ABLIM2: variants seen among roughly 807,000 people sequenced by gnomAD.
ABLIM2 encodes the protein actin binding LIM protein family member 2.
In ABLIM2, 53 loss-of-function variants were observed where a neutral mutation model predicts 97.7. The observed-to-expected ratio is 0.54, with a 90% CI of 0.44 to 0.68. The LOEUF (loss-of-function observed/expected upper bound fraction) is 0.68. Ranked by LOEUF, ABLIM2 falls within the 30% of genes least tolerant of loss-of-function variation. The pLI, the probability that ABLIM2 is intolerant of heterozygous loss-of-function variation, is 0.00. For synonymous variants in ABLIM2, 361 were observed against 345.8 expected, an observed-to-expected ratio of 1.04 and a Z score of -0.49; for missense variants, 835 against 867.2, an observed-to-expected ratio of 0.96 and a Z score of 0.47.
chr4:8,048,750 C>G (rs1424402852), intron 8 of ABLIM2, among the ~76,000 whole-genome samples: 1 of 152,190 alleles, frequency 6.6e-6, no homozygotes, highest in East Asian at 1.9e-4. Flanking sequence ...TCAGTCTTAA[C>G]TTTTCCAAAG....
chr4:8,041,370 T>C (rs544719484), intron 9 of ABLIM2: 3 of 152,222 alleles, frequency 2.0e-5, no homozygotes, highest in African/African-American at 4.8e-5. Flanking sequence ...AACTGCCTGA[T>C]GCAAGAAGAA....
At position 8,106,620 on chromosome 4, in the gene ABLIM2, C is replaced by G. The variant is rs1486496115; in HGVS notation, c.28G>C (p.Ala10Pro). 1 of 1,610,082 alleles carries G rather than the reference C, an allele frequency of 6.2e-7. No individual in the cohort carries two copies. Among genetic ancestry groups the G allele is most frequent in the South Asian group, 1.1e-5 (1 of 90,260 alleles). The change falls in exon 2 of 21, where the codon GCT becomes CCT. Residue 10 changes from alanine to proline, a missense_variant. Transcript: ENST00000447017. MSAVSQPQA[A>P]PSPLEKSPST... ...GGCGACTTCTCCAGCGGGCTGGGAG[C>G]AGCCTGGGGCTGCGACACTGTTGGG...
At chr4:7,987,563 G>T (rs940209909) in intron 17 of ABLIM2, among the ~76,000 whole-genome samples, 5 of 152,236 alleles carry the variant, frequency 3.3e-5, no homozygotes, top group African/African-American at 1.2e-4. Context: ...ATGTGAAAGA[G>T]AAATGCTGCC....
At chr4:8,133,947 G>A (rs1368371888) in intron 1 of ABLIM2, among the ~76,000 whole-genome samples, 1 of 152,154 alleles carries the variant, frequency 6.6e-6, no homozygotes, top group Middle Eastern at 3.2e-3. Context: ...GGCACGTGGG[G>A]ACATGGGGGT....
intron 20 of ABLIM2, among the ~76,000 whole-genome samples, chr4:7,980,514 A>G (rs1164182444): frequency 6.6e-6 from 1 of 152,148 alleles, no homozygotes; most frequent in African/African-American, 2.4e-5. Context: ...TGGGAGTTTG[A>G]GAACAGCCTG....
At position 8,106,751 on chromosome 4, in the gene ABLIM2, C is replaced by T. The variant is rs937334621; in HGVS notation, c.11-114G>A. 4 of 1,290,624 alleles carry T rather than the reference C, an allele frequency of 3.1e-6. No individual in the cohort carries two copies. In the South Asian group the frequency reaches 6.1e-5, roughly 20 times the overall value. 79.9% of individuals were successfully genotyped at this position (1,290,624 alleles called of 1,614,324 possible). ...ACCCTGCCAGCGGGCCCCGCACCCA[C>T]CAGCACGAGCCGCACGGGGCATCGG... On this transcript the variant is annotated intron_variant, in intron 1 of 20. Transcript: ENST00000447017.
chr4:8,008,825 C>A (rs1763018191), intron 15 of ABLIM2, among the ~76,000 whole-genome samples: 1 of 152,142 alleles, frequency 6.6e-6, no homozygotes, highest in African/African-American at 2.4e-5. Flanking sequence ...GTCACAGAAC[C>A]ATAACCAAGT....
At chr4:8,109,117 G>A (rs1279565134) in intron 1 of ABLIM2, among the ~76,000 whole-genome samples, 1 of 152,222 alleles carries the variant, frequency 6.6e-6, no homozygotes, top group Admixed American at 6.5e-5. Flanking sequence ...GCCCCCCACC[G>A]CCTGTCCCCT....
chr4:7,980,941 A>ATCTTTTTTTTT lies in ABLIM2; in HGVS notation c.1824+2322_1824+2323insAAAAAAAAAGA, dbSNP rs1483414043. 4.6e-3 allele frequency among the ~76,000 whole-genome samples: 385 copies of ATCTTTTTTTTT among 82,930 alleles called. 17 individuals carry two copies. The highest frequency in any genetic ancestry group is 7.9e-3 in the Middle Eastern group (1 of 126). 54.4% of individuals were successfully genotyped at this position (82,930 alleles called of 152,430 possible). A position where few individuals can be genotyped will look rare whatever the true frequency, so the allele number is the denominator to read the frequency against. Reference sequence around the variant, plus strand: ...AGAACCATGGTCTCCACAACCCCTTATTTTTTTTTTTTTTTTTTTTGAGAT... The same window carrying ATCTTTTTTTTT: ...AGAACCATGGTCTCCACAACCCCTTATCTTTTTTTTTTTTTTTTTTTTTTTTTTTTTGAGAT... On this transcript the variant is annotated intron_variant, in intron 20 of 20. Transcript: ENST00000447017.
At position 7,980,941 on chromosome 4, in the gene ABLIM2, A is replaced by ATTTTTTTTTTTTTTTT. The variant is rs1167615555; in HGVS notation, c.1824+2307_1824+2322dup. Among the ~76,000 whole-genome samples the ATTTTTTTTTTTTTTTT allele has an allele frequency of 2.2e-3, 180 of 82,972 alleles. 43 individuals carry two copies. The highest frequency in any genetic ancestry group is 7.3e-3 in the East Asian group (13 of 1,780). The allele number at this position is 82,972 out of a possible 152,430, so 54.4% of individuals were successfully genotyped here. On this transcript the variant is annotated intron_variant, in intron 20 of 20. Transcript: ENST00000447017. ...AGAACCATGGTCTCCACAACCCCTT[A>ATTTTTTTTTTTTTTTT]TTTTTTTTTTTTTTTTTTTTGAGAT...
At chr4:7,993,061 G>A in intron 16 of ABLIM2, 134 bp from the exon 17 acceptor site, 1 of 867,264 alleles carries the variant, frequency 1.2e-6, no homozygotes, top group Non-Finnish European at 1.9e-6. Flanking sequence ...TGAGGACCAT[G>A]ACCTGCCTCA....
rs1051347107 is a variant in ABLIM2 at position 8,155,134 on chromosome 4, A to T, written c.10+3546T>A. ...GGACACAGCCAGACCGTATCAGCTC[A>T]TAGTAGGCATTTTGTGCATCTTTGC... On this transcript the variant is annotated intron_variant, in intron 1 of 20. Coordinates refer to ENST00000447017, the MANE Select transcript of ABLIM2 (RefSeq NM_001130083.2). The surrounding 1 kb of genome is among the most constrained non-coding windows in gnomAD (Gnocchi z 4.2). Among the ~76,000 whole-genome samples the T allele has an allele frequency of 2.0e-5, 3 of 152,334 alleles. No homozygotes were observed. The highest frequency in any genetic ancestry group is 3.4e-3 in the Middle Eastern group (1 of 294).
rs1158015982 is a variant in ABLIM2, at chr4:8,072,326, G to GTA, written c.675+5301_675+5302insTA. Among the ~76,000 whole-genome samples, 631 of 151,914 alleles carry GTA rather than the reference G, an allele frequency of 4.2e-3. 4 individuals carry two copies. The highest frequency in any genetic ancestry group is 0.015 in the African/African-American group (614 of 41,392). On this transcript the variant is annotated intron_variant, in intron 6 of 20. Coordinates refer to ENST00000447017, the MANE Select transcript of ABLIM2 (RefSeq NM_001130083.2). This position sits in a 1 kb window ranked among gnomAD's most constrained non-coding sequence, Gnocchi z 5.8. ...TCCCAATCCATCAAGGGGAGGGGGG[G>GTA]CTGCCTGATGAAACCCACTTTGCTC...
At chr4:7,985,637 G>C (rs1426255420) in intron 17 of ABLIM2, among the ~76,000 whole-genome samples, 4 of 152,206 alleles carry the variant, frequency 2.6e-5, no homozygotes, top group Non-Finnish European at 5.9e-5. Context: ...GGAGCCCCGT[G>C]TCTGTAAGGC....
chr4:8,024,894 C>A (rs558177266), intron 12 of ABLIM2, among the ~76,000 whole-genome samples: 1 of 152,266 alleles, frequency 6.6e-6, no homozygotes, highest in South Asian at 2.1e-4. Context: ...ACACCAGACA[C>A]CAGAGAGGTG....
intron 3 of ABLIM2, among the ~76,000 whole-genome samples, chr4:8,091,799 A>C (rs1221922462): frequency 1.5e-5 from 1 of 64,518 alleles, no homozygotes; most frequent in Non-Finnish European, 2.6e-5. Flanking sequence ...TTATAGAATT[A>C]ATATATTATA....
In ABLIM2 at chr4:8,087,849, C is replaced by A. The variant is rs531628230; in HGVS notation, c.454+320G>T. On this transcript the variant is annotated intron_variant, in intron 4 of 20. Transcript: ENST00000447017. The surrounding 1 kb of genome is among the most constrained non-coding windows in gnomAD (Gnocchi z 4.6). Reference sequence around the variant, plus strand: ...GTGCAAAGACTTGGCGGCACGAGAGCCCCAGAAACTTCCATCCCTGGCTGC... The same window carrying A: ...GTGCAAAGACTTGGCGGCACGAGAGACCCAGAAACTTCCATCCCTGGCTGC... 6.6e-6 allele frequency among the ~76,000 whole-genome samples: 1 copy of A among 152,018 alleles called. No homozygotes were observed. Among genetic ancestry groups the A allele is most frequent in the Admixed American group, 6.6e-5 (1 of 15,266 alleles).
In ABLIM2 at chr4:8,007,331, T is replaced by C. The variant is rs111831119; in HGVS notation, c.1618+728A>G. 3,214 of 985,406 alleles carry C rather than the reference T, an allele frequency of 3.3e-3. 72 individuals are homozygous for C. In the African/African-American group the frequency reaches 0.046, roughly 14 times the overall value. The allele number at this position is 985,406 out of a possible 1,614,324, so 61.0% of individuals were successfully genotyped here. On this transcript the variant is annotated intron_variant, in intron 16 of 20. Coordinates refer to ENST00000447017, the MANE Select transcript of ABLIM2 (RefSeq NM_001130083.2). ...GCCTCACTGCAAAGCCAGGTCTTTC[T>C]TCTGCTCTCACACCCCCATCCATCC...
chr4:8,034,154 G>A (rs909831616), intron 10 of ABLIM2, among the ~76,000 whole-genome samples: 3 of 152,282 alleles, frequency 2.0e-5, no homozygotes, highest in South Asian at 2.1e-4. Flanking sequence ...GCCGAGACGC[G>A]AGTCCTCACG....
Sources: allele counts gnomAD v4.1 joint callset (sites outside exome capture counted in the v4.1 genomes callset), GRCh38; gene constraint gnomAD v4.1.1; non-coding constraint Gnocchi (gnomAD v3.1); transcripts MANE v1.5; gene names NCBI Gene and HGNC (gene_info 2026-07-23, HGNC 2026-07-21).